SEMA3E: variants seen among roughly 807,000 people sequenced by gnomAD.
SEMA3E encodes semaphorin 3E, also known as semaphorin-3E.
A neutral mutation model predicts 93.6 loss-of-function variants in SEMA3E; 49 were observed. The observed-to-expected ratio is 0.52, with a 90% CI of 0.42 to 0.66. SEMA3E has a LOEUF of 0.66. Ranked by LOEUF, SEMA3E falls within the 30% of genes least tolerant of loss-of-function variation. SEMA3E has a pLI of 0.00. For synonymous variants in SEMA3E, 363 were observed against 330.7 expected (o/e 1.10, Z -1.06); for missense variants, 906 against 964.8 (o/e 0.94, Z 0.81).
At chr7:83,388,218 A>T (rs986183703) in intron 14 of SEMA3E, among the ~76,000 whole-genome samples, 1 of 149,036 alleles carries the variant, frequency 6.7e-6, no homozygotes, top group East Asian at 2.0e-4. Context: ...CTGAGACAGG[A>T]GAATCGCCTG....
intron 1 of SEMA3E, among the ~76,000 whole-genome samples, chr7:83,544,153 C>G (rs765341299): frequency 3.3e-5 from 5 of 151,962 alleles, no homozygotes; most frequent in Non-Finnish European, 7.4e-5. Context: ...TAGAAAATAA[C>G]TAACTATTTG....
intron 16 of SEMA3E, chr7:83,372,053 A>C (rs1794756038): frequency 7.8e-6 from 3 of 383,136 alleles, no homozygotes; most frequent in Non-Finnish European, 1.4e-5. Flanking sequence ...ATTATCCTAT[A>C]ATGAGTAAAG....
At position 83,546,765 on chromosome 7, in the gene SEMA3E, AAC is replaced by A. The variant is rs1226721860; in HGVS notation, c.116-56493_116-56492del. Among the ~76,000 whole-genome samples the A allele has an allele frequency of 3.9e-5, 6 of 152,216 alleles. 1 individual carries two copies. In the South Asian group the frequency reaches 6.2e-4, roughly 16 times the overall value. Reference sequence around the variant, plus strand: ...AATGGAAAATAAATTAATGATGAGTAACACAGTGCACGTTCAAGTTATGAGTG... The same window carrying A: ...AATGGAAAATAAATTAATGATGAGTAACAGTGCACGTTCAAGTTATGAGTG... On this transcript the variant is annotated intron_variant, in intron 1 of 16. Transcript: ENST00000643230.
At chr7:83,372,334 T>C (rs1794760742) in intron 16 of SEMA3E, 1 of 397,986 alleles carries the variant, frequency 2.5e-6, no homozygotes. Context: ...TATGATCTTT[T>C]GTTGTCTCTG....
chr7:83,427,320 A>T (rs542031570), intron 4 of SEMA3E, among the ~76,000 whole-genome samples: 1 of 151,962 alleles, frequency 6.6e-6, no homozygotes, highest in Non-Finnish European at 1.5e-5. Flanking sequence ...GTAGTTTTCA[A>T]TAATTTCATT....
At chr7:83,449,783 T>C (rs1470440693) in intron 4 of SEMA3E, among the ~76,000 whole-genome samples, 1 of 151,378 alleles carries the variant, frequency 6.6e-6, no homozygotes, top group African/African-American at 2.5e-5. Context: ...AACTACTCTC[T>C]ACTGTTTCCT....
intron 1 of SEMA3E, among the ~76,000 whole-genome samples, chr7:83,505,749 C>T (rs915524805): frequency 6.6e-6 from 1 of 152,000 alleles, no homozygotes; most frequent in Non-Finnish European, 1.5e-5. Flanking sequence ...GGCACAGTGG[C>T]TCATGCCTGT....
chr7:83,431,546 G>T (rs1200532958), intron 4 of SEMA3E, among the ~76,000 whole-genome samples: 1 of 152,062 alleles, frequency 6.6e-6, no homozygotes, highest in South Asian at 2.1e-4. Flanking sequence ...TAGGATTACA[G>T]GCACATGCCA....
At chr7:83,386,257 T>C (rs562026656) in intron 15 of SEMA3E, among the ~76,000 whole-genome samples, 5 of 152,092 alleles carry the variant, frequency 3.3e-5, no homozygotes, top group Admixed American at 6.6e-5. Flanking sequence ...AACAAATTGA[T>C]GCTGGAGCAC....
chr7:83,563,891 C>T (rs1792086334), intron 1 of SEMA3E, among the ~76,000 whole-genome samples: 1 of 152,104 alleles, frequency 6.6e-6, no homozygotes, highest in African/African-American at 2.4e-5. Flanking sequence ...ATGGTGCCTA[C>T]AATTCACTTC....
chr7:83,601,396 T>A (rs1454900480), intron 1 of SEMA3E, among the ~76,000 whole-genome samples: 1 of 151,946 alleles, frequency 6.6e-6, no homozygotes, highest in Middle Eastern at 3.4e-3. Flanking sequence ...CATTTTGCCA[T>A]TTATTTGCTG....
intron 1 of SEMA3E, among the ~76,000 whole-genome samples, chr7:83,582,238 A>G (rs549719326): frequency 6.6e-6 from 1 of 150,842 alleles, no homozygotes; most frequent in African/African-American, 2.4e-5. Flanking sequence ...AAAAATAAAT[A>G]GTAATATATA....
intron 1 of SEMA3E, among the ~76,000 whole-genome samples, chr7:83,524,637 A>G (rs762272391): frequency 2.6e-4 from 40 of 152,174 alleles, no homozygotes; most frequent in Non-Finnish European, 4.7e-4. Flanking sequence ...AAAGTTATAC[A>G]TGATATAAAT....
At chr7:83,528,450 C>T (rs1448035987) in intron 1 of SEMA3E, among the ~76,000 whole-genome samples, 2 of 152,050 alleles carry the variant, frequency 1.3e-5, no homozygotes, top group African/African-American at 4.8e-5. Flanking sequence ...CCATGAAAAT[C>T]GTTCAAGTAG....
intron 2 of SEMA3E, among the ~76,000 whole-genome samples, chr7:83,480,614 T>G (rs961863933): frequency 1.3e-5 from 2 of 152,300 alleles, no homozygotes; most frequent in East Asian, 1.9e-4. Context: ...TGTTTTTGGA[T>G]TTCCCTAAAT....
At chr7:83,497,846 T>C in intron 1 of SEMA3E, among the ~76,000 whole-genome samples, 1 of 152,144 alleles carries the variant, frequency 6.6e-6, no homozygotes, top group Non-Finnish European at 1.5e-5. Flanking sequence ...CATAAACCAC[T>C]TTCCAAAGAA....
chr7:83,463,856 G>A (rs981435809), intron 4 of SEMA3E, among the ~76,000 whole-genome samples: 2 of 152,036 alleles, frequency 1.3e-5, no homozygotes, highest in East Asian at 1.9e-4. Context: ...CATCAAGCTC[G>A]AGGATTTGCC....
chr7:83,615,917 C>G (rs892741077), intron 1 of SEMA3E, among the ~76,000 whole-genome samples: 1 of 151,178 alleles, frequency 6.6e-6, no homozygotes, highest in Non-Finnish European at 1.5e-5. Context: ...ATTTACTACA[C>G]AGAATTTTTT....
intron 1 of SEMA3E, among the ~76,000 whole-genome samples, chr7:83,524,206 T>A (rs1193533072): frequency 3.3e-5 from 5 of 152,136 alleles, no homozygotes; most frequent in Non-Finnish European, 5.9e-5. Context: ...GGAAGTCATA[T>A]CAGTAGAAAA....
Sources: allele counts gnomAD v4.1 joint callset (sites outside exome capture counted in the v4.1 genomes callset), GRCh38; gene constraint gnomAD v4.1.1; transcripts MANE v1.5; gene names NCBI Gene and HGNC (gene_info 2026-07-23, HGNC 2026-07-21).